Variants in NDRG3 observed in about 807,000 individuals in gnomAD.
NDRG3 encodes protein NDRG3.
In NDRG3, 23 loss-of-function variants were observed where a neutral mutation model predicts 57.2. That is an observed-to-expected ratio of 0.40 (90% confidence interval 0.29 to 0.57). The LOEUF is 0.57. Among genes scored for constraint, NDRG3 ranks in the 20% least tolerant of loss-of-function variants. The pLI, the probability that NDRG3 is intolerant of heterozygous loss-of-function variation, is 0.42. For missense variants in NDRG3, 384 were observed against 457.3 expected (o/e 0.84, Z 1.46); for synonymous variants, 132 against 162.6 (o/e 0.81, Z 1.43).
chr20:36,661,511 C>A (rs1368491860), intron 12 of NDRG3, among the ~76,000 whole-genome samples: 1 of 152,172 alleles, frequency 6.6e-6, no homozygotes, highest in Non-Finnish European at 1.5e-5. Context: ...CACTTCACAA[C>A]TGAGCTGAGT....
At chr20:36,681,580 G>C (rs1309260765) in intron 7 of NDRG3, among the ~76,000 whole-genome samples, 1 of 143,190 alleles carries the variant, frequency 7.0e-6, no homozygotes, top group Non-Finnish European at 1.5e-5. Flanking sequence ...AGGTTGCAGT[G>C]AGCCGAGATT....
chr20:36,677,051 G>A (rs1269025225), intron 8 of NDRG3, among the ~76,000 whole-genome samples: 1 of 152,242 alleles, frequency 6.6e-6, no homozygotes, highest in African/African-American at 2.4e-5. Flanking sequence ...AGGTACAGCT[G>A]CAGCCGCTGC....
rs1980440787 is a variant in NDRG3 at position 36,674,202 on chromosome 20, CT to C, written c.532-2806del. ...AAATTTATTATCCATCTCTTTAAAT[CT>C]TTTTTTTCTTTTTTGAGATGGAGTC... On this transcript the variant is annotated intron_variant, in intron 8 of 15. Transcript: ENST00000349004. Among the ~76,000 whole-genome samples the C allele has an allele frequency of 2.0e-5, 3 of 151,906 alleles. No individual in the cohort carries two copies. In the South Asian group the frequency reaches 6.2e-4, roughly 32 times the overall value.
chr20:36,730,882 G>A (rs1434603733), intron 1 of NDRG3, among the ~76,000 whole-genome samples: 1 of 150,532 alleles, frequency 6.6e-6, no homozygotes, highest in Non-Finnish European at 1.5e-5. Context: ...AGGTTGGAGT[G>A]AGCCAAGATC....
chr20:36,670,490 T>C (rs1980050944), intron 9 of NDRG3, among the ~76,000 whole-genome samples: 1 of 152,196 alleles, frequency 6.6e-6, no homozygotes, highest in Non-Finnish European at 1.5e-5. Context: ...TGGCCTGACC[T>C]GGATTCAAAT....
intron 2 of NDRG3, among the ~76,000 whole-genome samples, chr20:36,710,888 G>A (rs1983831476): frequency 6.6e-6 from 1 of 151,312 alleles, no homozygotes; most frequent in Non-Finnish European, 1.5e-5. Flanking sequence ...GCTCAGGCAG[G>A]AGAATCACTT....
In NDRG3 at chr20:36,666,317, G is replaced by A; in HGVS notation, c.664C>T (p.Leu222=). ...TTGTAGGAATTCAAGAAGAGCTGCA[G>A]GTTGTCTTGGTTGATGTCTTGGGCA... ...HIAQDINQDN[L]QLFLNSYNGR... is the part of the protein sequence containing the mutation. The change falls in exon 10 of 16, where the codon CTG becomes TTG. Residue 222 remains leucine (L), a synonymous_variant. Transcript: ENST00000349004. The A allele has an allele frequency of 6.2e-7, 1 of 1,614,018 alleles. No individual in the cohort carries two copies. Among genetic ancestry groups the A allele is most frequent in the African/African-American group, 1.3e-5 (1 of 75,044 alleles).
At chr20:36,683,139 G>A (rs953060379) in intron 6 of NDRG3, among the ~76,000 whole-genome samples, 2 of 151,990 alleles carry the variant, frequency 1.3e-5, no homozygotes, top group African/African-American at 4.8e-5. Flanking sequence ...AGCTGCTCGG[G>A]AGGCTGAGGC....
chr20:36,710,084 C>T (rs1336903130), intron 2 of NDRG3, among the ~76,000 whole-genome samples: 4 of 152,094 alleles, frequency 2.6e-5, no homozygotes, highest in Admixed American at 2.6e-4. Flanking sequence ...CTTTGGGAGG[C>T]TGAGGCAGGC....
chr20:36,695,681 T>C (rs1039021190), intron 3 of NDRG3, among the ~76,000 whole-genome samples: 1 of 152,236 alleles, frequency 6.6e-6, no homozygotes, highest in Admixed American at 6.5e-5. Flanking sequence ...TCTCTGCTCT[T>C]GAACCCTGTT....
intron 7 of NDRG3, among the ~76,000 whole-genome samples, chr20:36,681,460 A>G (rs1981284143): frequency 6.6e-6 from 1 of 151,718 alleles, no homozygotes; most frequent in African/African-American, 2.4e-5. Flanking sequence ...ACATGGCGAA[A>G]CCCCATGTCT....
At chr20:36,719,940 C>T (rs937058997) in intron 2 of NDRG3, among the ~76,000 whole-genome samples, 3 of 151,662 alleles carry the variant, frequency 2.0e-5, no homozygotes, top group Non-Finnish European at 4.4e-5. Context: ...CATGGTGAAA[C>T]CCTGTCTCTA....
chr20:36,721,153 C>T (rs1268289121), intron 2 of NDRG3, among the ~76,000 whole-genome samples: 3 of 151,780 alleles, frequency 2.0e-5, no homozygotes, highest in Non-Finnish European at 4.4e-5. Context: ...ACAAAAATCT[C>T]AAAGATAACG....
chr20:36,698,920 T>C lies in NDRG3; in HGVS notation c.93+8052A>G, dbSNP rs925375930. The stretch of plus-strand genomic sequence containing the variant: ...CAACACTATAGATTCTGTTTATTTA[T>C]ATATATGTATACATACATATACGTA... On this transcript the variant is annotated intron_variant, in intron 3 of 15. Coordinates refer to ENST00000349004, the MANE Select transcript of NDRG3 (RefSeq NM_032013.4). 2.0e-5 allele frequency among the ~76,000 whole-genome samples: 3 copies of C among 152,164 alleles called. No individual in the cohort carries two copies. In the East Asian group the frequency reaches 5.8e-4, roughly 29 times the overall value.
At chr20:36,709,902 G>GT (rs1568658653) in intron 2 of NDRG3, among the ~76,000 whole-genome samples, 2 of 151,394 alleles carry the variant, frequency 1.3e-5, no homozygotes, top group African/African-American at 4.9e-5. Flanking sequence ...AAAATTTTGG[G>GT]TTAAAAAAAA....
chr20:36,658,809 T>C (rs1291475046), intron 13 of NDRG3, among the ~76,000 whole-genome samples: 1 of 152,158 alleles, frequency 6.6e-6, no homozygotes, highest in African/African-American at 2.4e-5. Flanking sequence ...TAAGAGTTGG[T>C]CTGTATTTGC....
intron 6 of NDRG3, 24 bp from the exon 7 acceptor site, chr20:36,682,602 C>A (rs1198449764): frequency 1.2e-6 from 2 of 1,605,782 alleles, no homozygotes; most frequent in East Asian, 2.2e-5. Context: ...ATAACGACAA[C>A]TGACAGAGTC....
At chr20:36,707,103 G>C (rs1983591868) in intron 2 of NDRG3, 96 bp from the exon 3 acceptor site, 1 of 1,124,054 alleles carries the variant, frequency 8.9e-7, no homozygotes, top group African/African-American at 1.5e-5. Flanking sequence ...TGCATGTGCA[G>C]CCTCTTGGTT....
intron 8 of NDRG3, among the ~76,000 whole-genome samples, chr20:36,677,128 C>T (rs1273129300): frequency 1.3e-5 from 2 of 152,154 alleles, no homozygotes; most frequent in African/African-American, 4.8e-5. Flanking sequence ...AAGCGGGAGC[C>T]GGGCCCCTTC....
Sources: gnomAD v4.1 joint callset for allele counts (sites outside exome capture counted in the v4.1 genomes callset) on GRCh38, gnomAD v4.1.1 for gene constraint, MANE v1.5 for transcripts, NCBI Gene and HGNC (gene_info 2026-07-23, HGNC 2026-07-21) for gene names.